NIPBL: variants seen among roughly 807,000 people sequenced by gnomAD.
The protein encoded by NIPBL is NIPBL cohesin loading factor.
Under a neutral mutation model 321.8 loss-of-function variants are expected in NIPBL, and 19 were observed. That is an observed-to-expected ratio of 0.06 (90% CI 0.04 to 0.09). NIPBL has a LOEUF of 0.09. NIPBL is among the 10% of genes least tolerant of loss of function. The probability of loss-of-function intolerance (pLI) is 1.00; values close to 1 mark genes in which losing one functional copy is unlikely to be tolerated. For missense variants in NIPBL, 2,210 were observed against 3,327.0 expected (o/e 0.66, Z 8.26); for synonymous variants, 1,106 against 1,114.1 (o/e 0.99, Z 0.14).
intron 40 of NIPBL, among the ~76,000 whole-genome samples, chr5:37,050,318 G>T (rs780595606): frequency 6.6e-6 from 1 of 151,884 alleles, no homozygotes; most frequent in Non-Finnish European, 1.5e-5. Flanking sequence ...ACAAAAATTA[G>T]CCAGGTGTGG....
At chr5:36,988,580 T>G (rs1442244875) in intron 10 of NIPBL, among the ~76,000 whole-genome samples, 1 of 152,022 alleles carries the variant, frequency 6.6e-6, no homozygotes, top group Admixed American at 6.6e-5. Flanking sequence ...GTTGGGTAAT[T>G]GTGGATTTTT....
At chr5:36,986,406 G>T in intron 10 of NIPBL, 105 bp downstream of exon 10, 1 of 753,954 alleles carries the variant, frequency 1.3e-6, no homozygotes, top group Non-Finnish European at 1.9e-6. Flanking sequence ...GCTACTACAT[G>T]AAAATATAAC....
At chr5:36,966,455 A>G (rs1381676742) in intron 6 of NIPBL, among the ~76,000 whole-genome samples, 1 of 152,208 alleles carries the variant, frequency 6.6e-6, no homozygotes, top group South Asian at 2.1e-4. Flanking sequence ...TGCACTTTAC[A>G]TTGTATCTTA....
At chr5:37,030,573 A>G (rs1234440041) in intron 32 of NIPBL, among the ~76,000 whole-genome samples, 1 of 152,088 alleles carries the variant, frequency 6.6e-6, no homozygotes, top group African/African-American at 2.4e-5. Flanking sequence ...CCAATTTCAG[A>G]TATTTCTAAT....
intron 1 of NIPBL, among the ~76,000 whole-genome samples, chr5:36,910,231 A>G (rs1425092844): frequency 6.6e-6 from 1 of 152,198 alleles, no homozygotes; most frequent in Non-Finnish European, 1.5e-5. Context: ...GAGAAAGGGA[A>G]TAATACTTCC....
intron 17 of NIPBL, among the ~76,000 whole-genome samples, chr5:37,007,064 G>A (rs985126550): frequency 2.6e-5 from 4 of 151,842 alleles, no homozygotes; most frequent in Non-Finnish European, 5.9e-5. Context: ...CTGCTCCAAT[G>A]GAGAAAAGTA....
intron 34 of NIPBL, among the ~76,000 whole-genome samples, chr5:37,042,203 G>A (rs1051574559): frequency 7.2e-5 from 11 of 151,926 alleles, no homozygotes; most frequent in Admixed American, 5.2e-4. Flanking sequence ...TTGGGAGGCC[G>A]AGGCAGGCGG....
intron 6 of NIPBL, among the ~76,000 whole-genome samples, chr5:36,966,212 G>A (rs1424859673): frequency 6.6e-6 from 1 of 151,950 alleles, no homozygotes; most frequent in Non-Finnish European, 1.5e-5. Context: ...TCTTATGGAG[G>A]CTCTTTTAAT....
chr5:36,897,297 C>T (rs1282374997), intron 1 of NIPBL, among the ~76,000 whole-genome samples: 3 of 152,176 alleles, frequency 2.0e-5, no homozygotes, highest in Admixed American at 6.5e-5. Flanking sequence ...CCACCGCATC[C>T]GGCCTGGAAT....
chr5:36,984,534 A>G, intron 9 of NIPBL, 142 bp from the exon 10 acceptor site: 4 of 668,924 alleles, frequency 6.0e-6, no homozygotes, highest in Admixed American at 3.1e-5. Context: ...CATGCTTACT[A>G]TTTTATGTGT....
At chr5:36,945,108 T>C (rs16903412) in intron 1 of NIPBL, among the ~76,000 whole-genome samples, 1,886 of 152,140 alleles carry the variant, frequency 0.012, 44 homozygotes, top group African/African-American at 0.043. Context: ...GTGTTGGGAG[T>C]GGACTAGGAA....
rs1202046534 is a variant in NIPBL, at chr5:36,947,674, GACTT to G, written c.-79-5940_-79-5937del. ...CTATGTACATATAGCAGCAACAGGA[GACTT>G]ACTAATTTTTTTATTTTATCATAGT... On this transcript the variant is annotated intron_variant, in intron 1 of 46. Coordinates refer to ENST00000282516, the MANE Select transcript of NIPBL (RefSeq NM_133433.4). Among the ~76,000 whole-genome samples the G allele has an allele frequency of 2.6e-5, 4 of 151,934 alleles. No homozygotes were observed. The East Asian group carries it at 5.8e-4, about 22-fold the overall frequency.
intron 17 of NIPBL, 118 bp downstream of exon 17, chr5:37,006,706 T>C: frequency 3.1e-6 from 2 of 649,428 alleles, no homozygotes; most frequent in Non-Finnish European, 5.5e-6. Context: ...ACACTGATTT[T>C]GATTATGGAT....
intron 21 of NIPBL, among the ~76,000 whole-genome samples, chr5:37,013,367 C>T (rs545671860): frequency 2.1e-3 from 319 of 152,016 alleles, no homozygotes; most frequent in African/African-American, 7.0e-3. Context: ...ACCTCCCTTC[C>T]GGACGAGGTG....
Position 36,985,529 on chromosome 5 carries a change from A to G in NIPBL, c.2349A>G (p.Lys783=), listed in dbSNP as rs141851878. Residue 783 remains lysine (K), a synonymous_variant, in exon 10 of 47, where the codon AAA becomes AAG. Coordinates refer to ENST00000282516, the MANE Select transcript of NIPBL (RefSeq NM_133433.4). ...TEKKPEVSKH[K]QDTKSDSPRL... ...AAAAACCTGAAGTGTCTAAACATAA[A>G]CAAGATACTAAATCTGACTCACCTC... The G allele has an allele frequency of 3.9e-4, 623 of 1,613,758 alleles. 4 individuals are homozygous for G. Among genetic ancestry groups the G allele is most frequent in the Non-Finnish European group, 1.1e-4 (134 of 1,179,956 alleles).
At chr5:36,990,918 A>C (rs1745432247) in intron 10 of NIPBL, among the ~76,000 whole-genome samples, 1 of 152,082 alleles carries the variant, frequency 6.6e-6, no homozygotes, top group South Asian at 2.1e-4. Flanking sequence ...GGAGCTAGCA[A>C]ATATTAATTC....
Position 36,971,018 on chromosome 5 carries a change from G to T in NIPBL, c.753G>T (p.Val251=), listed in dbSNP as rs1742793443. The T allele has an allele frequency of 1.2e-6, 2 of 1,613,020 alleles. No individual in the cohort carries two copies. Among genetic ancestry groups the T allele is most frequent in the Non-Finnish European group, 1.7e-6 (2 of 1,179,086 alleles). ...HGSSEDYLHM[V]HRLSSDDGDS... is the part of the protein sequence containing the mutation. The stretch of plus-strand genomic sequence containing the variant: ...CAAGTGAGGACTACCTACACATGGT[G>T]CACAGGCTAAGTAGTGACGTATGTA... Residue 251 remains valine (V), a synonymous_variant, in exon 7 of 47, where the codon GTG becomes GTT. Transcript: ENST00000282516.
intron 11 of NIPBL, among the ~76,000 whole-genome samples, chr5:36,999,404 A>G (rs377444956): frequency 5.3e-5 from 8 of 152,336 alleles, no homozygotes; most frequent in African/African-American, 1.9e-4. Flanking sequence ...CCCTGGTTTT[A>G]ACTTGGTGGT....
At chr5:36,963,187 A>G (rs1411522281) in intron 6 of NIPBL, among the ~76,000 whole-genome samples, 1 of 152,136 alleles carries the variant, frequency 6.6e-6, no homozygotes, top group East Asian at 1.9e-4. Context: ...TTATTAGTAT[A>G]AATTGTATGT....
Sources: allele counts gnomAD v4.1 joint callset (sites outside exome capture counted in the v4.1 genomes callset), GRCh38; gene constraint gnomAD v4.1.1; transcripts MANE v1.5; gene names NCBI Gene and HGNC (gene_info 2026-07-23, HGNC 2026-07-21).